Variants in ADAMTS6 observed in about 807,000 individuals in gnomAD.
ADAMTS6 encodes A disintegrin and metalloproteinase with thrombospondin motifs 6.
Under a neutral mutation model 144.3 loss-of-function variants are expected in ADAMTS6, and 23 were observed. That is an observed-to-expected ratio of 0.16 (90% CI 0.11 to 0.23). ADAMTS6 has a LOEUF of 0.23. Among genes scored for constraint, ADAMTS6 ranks in the 10% least tolerant of loss-of-function variants. ADAMTS6 has a pLI of 1.00. For synonymous variants in ADAMTS6, 444 were observed against 457.5 expected, an observed-to-expected ratio of 0.97 and a Z score of 0.38; for missense variants, 999 against 1,379.6, an observed-to-expected ratio of 0.72 and a Z score of 4.37.
At chr5:65,218,551 T>C (rs1383798587) in intron 18 of ADAMTS6, among the ~76,000 whole-genome samples, 2 of 152,096 alleles carry the variant, frequency 1.3e-5, no homozygotes, top group African/African-American at 4.8e-5. Context: ...AATTTTCAAG[T>C]AGCTATTATA....
At chr5:65,448,137 T>C (rs1000014382) in intron 7 of ADAMTS6, among the ~76,000 whole-genome samples, 11 of 150,912 alleles carry the variant, frequency 7.3e-5, no homozygotes, top group African/African-American at 2.2e-4. Context: ...ATGTATAATA[T>C]ATATAAATAA....
intron 15 of ADAMTS6, among the ~76,000 whole-genome samples, chr5:65,240,035 C>T (rs1759036013): frequency 6.6e-6 from 1 of 152,062 alleles, no homozygotes; most frequent in Non-Finnish European, 1.5e-5. Context: ...CATATGCTCA[C>T]AAAATGATAG....
chr5:65,292,489 C>G (rs1371518740), intron 10 of ADAMTS6, among the ~76,000 whole-genome samples: 2 of 150,378 alleles, frequency 1.3e-5, no homozygotes, highest in Non-Finnish European at 1.5e-5. Flanking sequence ...TACAATTTTT[C>G]ATTTATAGAT....
chr5:65,155,787 T>A (rs1752379095), intron 24 of ADAMTS6, among the ~76,000 whole-genome samples: 1 of 152,224 alleles, frequency 6.6e-6, no homozygotes, highest in Admixed American at 6.5e-5. Flanking sequence ...TCTGACTCTG[T>A]ATTCTTGGCT....
In ADAMTS6 at chr5:65,407,385, C is replaced by T. The variant is rs370006163; in HGVS notation, c.1073+44090G>A. Among the ~76,000 whole-genome samples the T allele has an allele frequency of 4.2e-4, 63 of 151,478 alleles. 1 individual carries two copies. In the East Asian group the frequency reaches 7.6e-3, roughly 18 times the overall value. ...TAAGTTTTAGGGTACATGTGCACAA[C>T]GTGCAGGTTCGTTACATATGTATAC... is the stretch of plus-strand genomic sequence containing the variant. On this transcript the variant is annotated intron_variant, in intron 7 of 24. Transcript: ENST00000381055.
intron 7 of ADAMTS6, among the ~76,000 whole-genome samples, chr5:65,398,805 AAAG>A (rs759353434): frequency 0.097 from 11,053 of 113,932 alleles, 820 homozygotes; most frequent in Non-Finnish European, 0.14. Context: ...AGAAAGAAAG[AAAG>A]AAAGAAAGAA....
intron 9 of ADAMTS6, among the ~76,000 whole-genome samples, chr5:65,302,505 G>A (rs1743540988): frequency 6.6e-6 from 1 of 151,556 alleles, no homozygotes. Flanking sequence ...AGAGTATCCA[G>A]AGCCCTAAAT....
At chr5:65,328,403 G>A (rs1363101667) in intron 9 of ADAMTS6, among the ~76,000 whole-genome samples, 6 of 152,022 alleles carry the variant, frequency 3.9e-5, no homozygotes. Flanking sequence ...AGGAGTTCTT[G>A]CAAGTAAGCT....
At chr5:65,364,460 C>T (rs1750109404) in intron 7 of ADAMTS6, among the ~76,000 whole-genome samples, 1 of 151,874 alleles carries the variant, frequency 6.6e-6, no homozygotes, top group Non-Finnish European at 1.5e-5. Context: ...ATGAGTATGC[C>T]CCCTGGAGTT....
rs188059792 is a variant in ADAMTS6 at position 65,340,581 on chromosome 5, G to A, written c.1074-6496C>T. On this transcript the variant is annotated intron_variant, in intron 7 of 24. Coordinates refer to ENST00000381055, the MANE Select transcript of ADAMTS6 (RefSeq NM_197941.4). The stretch of plus-strand genomic sequence containing the variant: ...TAAACCAAATAACTGGAAAATGATC[G>A]ATAAAATTACAGGAATAAATTCTTA... Among the ~76,000 whole-genome samples the A allele has an allele frequency of 1.1e-4, 16 of 151,904 alleles. No individual in the cohort carries two copies. In the East Asian group the frequency reaches 2.7e-3, roughly 26 times the overall value.
At position 65,149,471 on chromosome 5, in the gene ADAMTS6, C is replaced by G. The variant is rs770295985; in HGVS notation, c.*2365G>C. 4.6e-5 allele frequency: 7 copies of G among 152,256 alleles called. No homozygotes were observed. Among genetic ancestry groups the G allele is most frequent in the Admixed American group, 2.6e-4 (4 of 15,280 alleles). The allele number at this position is 152,256 out of a possible 1,614,324, so 9.4% of individuals were successfully genotyped here. A position where few individuals can be genotyped will look rare whatever the true frequency, so the allele number is the denominator to read the frequency against. On this transcript the variant is annotated 3_prime_UTR_variant, in exon 25 of 25. Coordinates refer to ENST00000381055, the MANE Select transcript of ADAMTS6 (RefSeq NM_197941.4). ...CACTCTGATGCTGCCCCGGGGGATG[C>G]CTGCATTTTGTTCTCAGTGCTGGGG...
intron 14 of ADAMTS6, among the ~76,000 whole-genome samples, chr5:65,250,825 G>T (rs1445060252): frequency 2.0e-5 from 3 of 152,174 alleles, no homozygotes; most frequent in Non-Finnish European, 4.4e-5. Flanking sequence ...ATATGGAAAA[G>T]TCCTTTTCAT....
Position 65,225,007 on chromosome 5 carries a change from T to G in ADAMTS6, c.2108A>C (p.Glu703Ala). ...CDNILGSDAREDRCRVCGGDG... is the reference protein window; with the variant it reads ...CDNILGSDARADRCRVCGGDG... ...CCCTCCACAGACTCGACATCTATCT[T>G]CCCTAGCATCAGATCCCAAAATATT... is the stretch of plus-strand genomic sequence containing the variant. Residue 703 changes from glutamate to alanine, a missense_variant, in exon 17 of 25, where the codon GAA (glutamate) becomes GCA (alanine). By Grantham distance (107) the Glu-to-Ala change is moderately radical. Coordinates refer to ENST00000381055, the MANE Select transcript of ADAMTS6 (RefSeq NM_197941.4). 6.2e-7 allele frequency: 1 copy of G among 1,614,082 alleles called. No homozygotes were observed. The highest frequency in any genetic ancestry group is 8.5e-7 in the Non-Finnish European group (1 of 1,180,014).
chr5:65,386,388 C>A (rs115955587), intron 7 of ADAMTS6, among the ~76,000 whole-genome samples: 249 of 152,164 alleles, frequency 1.6e-3, no homozygotes, highest in African/African-American at 5.4e-3. Context: ...GTACACAAAT[C>A]TTTGATGATA....
chr5:65,329,902 T>C (rs1746553031), intron 8 of ADAMTS6, among the ~76,000 whole-genome samples: 1 of 152,104 alleles, frequency 6.6e-6, no homozygotes, highest in Admixed American at 6.6e-5. Flanking sequence ...CAAGCAACTT[T>C]CTAGTTACCA....
chr5:65,187,882 A>G, intron 22 of ADAMTS6, 134 bp downstream of exon 22: 1 of 856,712 alleles, frequency 1.2e-6, no homozygotes, highest in Non-Finnish European at 1.7e-6. Flanking sequence ...CAGCAATAAA[A>G]TATAACATGG....
chr5:65,234,226 C>T (rs1026112045), intron 15 of ADAMTS6, among the ~76,000 whole-genome samples: 4 of 151,658 alleles, frequency 2.6e-5, no homozygotes, highest in Admixed American at 6.6e-5. Context: ...GTCTTGGCAA[C>T]GATTTTTTGG....
chr5:65,336,031 C>T (rs748648162), intron 7 of ADAMTS6, among the ~76,000 whole-genome samples: 3 of 151,952 alleles, frequency 2.0e-5, no homozygotes, highest in East Asian at 1.9e-4. Context: ...ATCTGAAGAA[C>T]GATGAGAATT....
intron 7 of ADAMTS6, among the ~76,000 whole-genome samples, chr5:65,370,601 C>T (rs1249370116): frequency 2.0e-5 from 3 of 152,234 alleles, no homozygotes; most frequent in African/African-American, 4.8e-5. Context: ...GAGATTATAT[C>T]CCGCACCTGG....
Sources: allele counts gnomAD v4.1 joint callset (sites outside exome capture counted in the v4.1 genomes callset), GRCh38; gene constraint gnomAD v4.1.1; transcripts MANE v1.5; gene names NCBI Gene and HGNC (gene_info 2026-07-23, HGNC 2026-07-21).